EYS: variants seen among roughly 807,000 people sequenced by gnomAD.
The protein encoded by EYS is EGF-like photoreceptor maintenance factor.
Under a neutral mutation model 282.1 loss-of-function variants are expected in EYS, and 250 were observed. That is an observed-to-expected ratio of 0.89 (90% CI 0.80 to 0.98). EYS has a LOEUF of 0.98. EYS is among the 50% of genes least tolerant of loss of function. EYS has a pLI of 0.00. For synonymous variants in EYS, 1,355 were observed against 1,282.9 expected, an observed-to-expected ratio of 1.06 and a Z score of -1.20; for missense variants, 4,016 against 3,709.0, an observed-to-expected ratio of 1.08 and a Z score of -2.15.
chr6:65,234,153 C>T (rs1271049725), intron 12 of EYS, among the ~76,000 whole-genome samples: 4 of 152,094 alleles, frequency 2.6e-5, no homozygotes, highest in African/African-American at 9.7e-5. Flanking sequence ...CCAAGTAAAC[C>T]CAGTCATCTC....
At chr6:65,150,532 ATG>A (rs1764588368) in intron 12 of EYS, among the ~76,000 whole-genome samples, 1 of 151,812 alleles carries the variant, frequency 6.6e-6, no homozygotes, top group South Asian at 2.1e-4. Context: ...ATTTTCTATT[ATG>A]TCTTTCCTTA....
chr6:64,804,418 A>T (rs1764361398), intron 22 of EYS, among the ~76,000 whole-genome samples: 1 of 152,128 alleles, frequency 6.6e-6, no homozygotes. Flanking sequence ...ATGGTGAACC[A>T]TTTTTTACTA....
chr6:64,775,007 T>C (rs1773635963), intron 22 of EYS, among the ~76,000 whole-genome samples: 1 of 152,078 alleles, frequency 6.6e-6, no homozygotes, highest in South Asian at 2.1e-4. Context: ...GATAAGTAAA[T>C]AGCCTGTAAA....
rs978407028 is a variant in EYS at position 65,112,851 on chromosome 6, G to T, written c.2024-55124C>A. Among the ~76,000 whole-genome samples the T allele has an allele frequency of 1.8e-4, 27 of 152,148 alleles. 1 individual carries two copies. The highest frequency in any genetic ancestry group is 4.6e-4 in the Admixed American group (7 of 15,294). ...AAAATACTTTACTAAGTAGTCATTT[G>T]TATTACAGTTGCCCTTCATAAAATA... is the stretch of plus-strand genomic sequence containing the variant. On this transcript the variant is annotated intron_variant, in intron 12 of 42. Transcript: ENST00000503581.
At chr6:65,436,086 A>C (rs1391626356) in intron 5 of EYS, among the ~76,000 whole-genome samples, 3 of 152,172 alleles carry the variant, frequency 2.0e-5, no homozygotes, top group Non-Finnish European at 4.4e-5. Context: ...TTTTATTTTA[A>C]AATACATATA....
intron 30 of EYS, among the ~76,000 whole-genome samples, chr6:64,305,330 C>A (rs1769399117): frequency 7.0e-6 from 1 of 142,534 alleles, no homozygotes; most frequent in Non-Finnish European, 1.5e-5. Flanking sequence ...AGATTTGGTG[C>A]AATCCCCAAC....
chr6:64,974,829 C>T (rs2150113060), intron 14 of EYS, among the ~76,000 whole-genome samples: 1 of 151,854 alleles, frequency 6.6e-6, no homozygotes, highest in African/African-American at 2.4e-5. Flanking sequence ...AATTGAATGA[C>T]ATTGATAACA....
intron 2 of EYS, among the ~76,000 whole-genome samples, chr6:65,634,307 C>G (rs10944829): frequency 0.36 from 54,084 of 152,002 alleles, 12,010 homozygotes; most frequent in Non-Finnish European, 0.49. Context: ...ATATGAAATA[C>G]ACTGTTAGTA....
intron 19 of EYS, among the ~76,000 whole-genome samples, chr6:64,859,154 C>CA (rs528387870): frequency 1.8e-4 from 27 of 150,564 alleles, no homozygotes; most frequent in African/African-American, 6.3e-4. Context: ...ACTTTCAACA[C>CA]AAAAAATCAA....
At chr6:64,241,215 G>A (rs1025878561) in intron 30 of EYS, among the ~76,000 whole-genome samples, 23 of 151,962 alleles carry the variant, frequency 1.5e-4, no homozygotes, top group Non-Finnish European at 1.2e-4. Flanking sequence ...CTTTTTTTGT[G>A]TGTTTCTTTG....
At chr6:64,358,559 T>G (rs1187246804) in intron 29 of EYS, among the ~76,000 whole-genome samples, 1 of 151,576 alleles carries the variant, frequency 6.6e-6, no homozygotes. Flanking sequence ...TTCCCATCAT[T>G]TCTATGTTAG....
chr6:65,143,633 CA>C (rs1360215772), intron 12 of EYS, among the ~76,000 whole-genome samples: 7 of 152,010 alleles, frequency 4.6e-5, no homozygotes, highest in Non-Finnish European at 1.5e-5. Context: ...ATCATTTTCT[CA>C]ATTTACGGTT....
chr6:64,822,905 C>G, intron 19 of EYS, 83 bp from the exon 20 acceptor site: 1 of 1,138,520 alleles, frequency 8.8e-7, no homozygotes, highest in Non-Finnish European at 1.2e-6. Context: ...TAAACATCAC[C>G]AAGAAATGAA....
At chr6:64,942,769 C>T (rs962187007) in intron 15 of EYS, among the ~76,000 whole-genome samples, 27 of 149,270 alleles carry the variant, frequency 1.8e-4, no homozygotes, top group South Asian at 2.1e-4. Context: ...GATGGATTCA[C>T]GCCAAATTTT....
At chr6:63,778,759 A>T (rs1446784598) in intron 39 of EYS, among the ~76,000 whole-genome samples, 1 of 152,116 alleles carries the variant, frequency 6.6e-6, no homozygotes, top group Admixed American at 6.6e-5. Flanking sequence ...AAGTATGCCT[A>T]AGTGTCCCCC....
intron 12 of EYS, among the ~76,000 whole-genome samples, chr6:65,215,323 A>G (rs1766284815): frequency 1.3e-5 from 2 of 152,122 alleles, no homozygotes; most frequent in African/African-American, 4.8e-5. Flanking sequence ...ATCATTATGA[A>G]TCATTTTAAG....
At chr6:64,265,830 T>G (rs1164334190) in intron 30 of EYS, among the ~76,000 whole-genome samples, 1 of 152,142 alleles carries the variant, frequency 6.6e-6, no homozygotes. Context: ...AAAATAACTC[T>G]TCTTATTTAG....
chr6:64,990,701 T>G (rs995438202), intron 14 of EYS, among the ~76,000 whole-genome samples: 2 of 151,614 alleles, frequency 1.3e-5, no homozygotes, highest in African/African-American at 4.8e-5. Context: ...TAATACTGCT[T>G]CATGGATTTC....
At chr6:63,940,536 A>C (rs1440543857) in intron 35 of EYS, among the ~76,000 whole-genome samples, 1 of 152,230 alleles carries the variant, frequency 6.6e-6, no homozygotes, top group Non-Finnish European at 1.5e-5. Flanking sequence ...TAATGCCAGC[A>C]AAGGATGGTT....
Sources: gnomAD v4.1 joint callset for allele counts (sites outside exome capture counted in the v4.1 genomes callset) on GRCh38, gnomAD v4.1.1 for gene constraint, MANE v1.5 for transcripts, NCBI Gene and HGNC (gene_info 2026-07-23, HGNC 2026-07-21) for gene names.